ELF2: variants seen among roughly 807,000 people sequenced by gnomAD.
ELF2 encodes ETS-related transcription factor Elf-2.
A neutral mutation model predicts 54.8 loss-of-function variants in ELF2; 11 were observed. The observed-to-expected ratio is 0.20, with a 90% CI of 0.13 to 0.33. The LOEUF (loss-of-function observed/expected upper bound fraction) is 0.33. Ranked by LOEUF, ELF2 falls within the 10% of genes least tolerant of loss-of-function variation. ELF2 has a pLI of 1.00. For missense variants in ELF2, 513 were observed against 703.0 expected, an observed-to-expected ratio of 0.73 and a Z score of 3.06; for synonymous variants, 203 against 245.1, an observed-to-expected ratio of 0.83 and a Z score of 1.61.
intron 4 of ELF2, among the ~76,000 whole-genome samples, chr4:139,118,682 T>A (rs189158572): frequency 3.3e-5 from 5 of 151,904 alleles, no homozygotes; most frequent in Non-Finnish European, 7.4e-5. Flanking sequence ...TATAAAGCAT[T>A]TGTTTTTTTT....
rs149871232 is a variant in ELF2, at chr4:139,157,203, C to T, written c.-251-17706G>A. On this transcript the variant is annotated intron_variant, in intron 1 of 9. Coordinates refer to ENST00000686138, the MANE Select transcript of ELF2 (RefSeq NM_001331036.3). Reference sequence around the variant, plus strand: ...TACTGAATACTATAGACAACTCTAACACAATGGAAAGTATTTGTGTATCTA... The same window carrying T: ...TACTGAATACTATAGACAACTCTAATACAATGGAAAGTATTTGTGTATCTA... Among the ~76,000 whole-genome samples, 578 of 152,220 alleles carry T rather than the reference C, an allele frequency of 3.8e-3. 4 individuals carry two copies. Among genetic ancestry groups the T allele is most frequent in the Non-Finnish European group, 6.0e-3 (407 of 68,014 alleles).
chr4:139,117,754 A>G (rs992247842), intron 4 of ELF2: 7 of 153,050 alleles, frequency 4.6e-5, no homozygotes, highest in African/African-American at 9.7e-5. Context: ...GATCAAGACC[A>G]TCCTGGCCAA....
At chr4:139,139,280 A>G in intron 2 of ELF2, 133 bp downstream of exon 2, 1 of 428,622 alleles carries the variant, frequency 2.3e-6, no homozygotes, top group Non-Finnish European at 3.7e-6. Flanking sequence ...GATCTTATAA[A>G]CATAAAATGG....
intron 4 of ELF2, chr4:139,102,244 C>A (rs1332316828): frequency 6.6e-6 from 1 of 151,816 alleles, no homozygotes; most frequent in Non-Finnish European, 1.5e-5. Context: ...GTATCAGGGC[C>A]GGGCGCAGTG....
At position 139,174,405 on chromosome 4, in the gene ELF2, T is replaced by G. The variant is rs546948862; in HGVS notation, c.-252+2562A>C. On this transcript the variant is annotated intron_variant, in intron 1 of 9. Coordinates refer to ENST00000686138, the MANE Select transcript of ELF2 (RefSeq NM_001331036.3). ...TCTATAATGATAGAAAGTCGATCAG[T>G]GGTTGCATAGGACTGGGAGTGCTGA... Among the ~76,000 whole-genome samples the G allele has an allele frequency of 7.9e-5, 12 of 152,224 alleles. No homozygotes were observed. The South Asian group carries it at 1.9e-3, about 24-fold the overall frequency.
chr4:139,166,318 T>C (rs1478884765), intron 1 of ELF2, among the ~76,000 whole-genome samples: 1 of 151,808 alleles, frequency 6.6e-6, no homozygotes, highest in Non-Finnish European at 1.5e-5. Flanking sequence ...ACCCAGGAAG[T>C]GGAGGTTGCA....
Position 139,171,303 on chromosome 4 carries a change from A to T in ELF2, c.-252+5664T>A, listed in dbSNP as rs547795534. Among the ~76,000 whole-genome samples, 14 of 152,168 alleles carry T rather than the reference A, an allele frequency of 9.2e-5. No homozygotes were observed. The East Asian group carries it at 2.7e-3, about 29-fold the overall frequency. ...CCATTCCCAACTACTCAGGAGGCTG[A>T]GGTAGGGGGACTGCTTGAGCCCAGG... On this transcript the variant is annotated intron_variant, in intron 1 of 9. Coordinates refer to ENST00000686138, the MANE Select transcript of ELF2 (RefSeq NM_001331036.3).
intron 4 of ELF2, chr4:139,084,582 T>C (rs1453632836): frequency 7.7e-6 from 2 of 259,382 alleles, no homozygotes; most frequent in Admixed American, 1.3e-4. Flanking sequence ...CACCTGAGGC[T>C]GGGAAACGGC....
At chr4:139,128,965 A>G (rs919617006) in intron 3 of ELF2, among the ~76,000 whole-genome samples, 2 of 150,118 alleles carry the variant, frequency 1.3e-5, no homozygotes, top group African/African-American at 4.9e-5. Context: ...TTTGAAATGG[A>G]GTTTCGCTCG....
intron 1 of ELF2, among the ~76,000 whole-genome samples, chr4:139,156,640 TTGTTGC>T (rs1740578659): frequency 2.3e-5 from 3 of 132,090 alleles, no homozygotes; most frequent in South Asian, 2.7e-4. Context: ...GTTGTTGTTG[TTGTTGC>T]TGTTGTTGTT....
chr4:139,067,770 A>G lies in ELF2; in HGVS notation c.527T>C (p.Val176Ala), dbSNP rs753634905. 15 of 1,576,316 alleles carry G rather than the reference A, an allele frequency of 9.5e-6. No homozygotes were observed. In the East Asian group the frequency reaches 2.7e-4, roughly 28 times the overall value. The change falls in exon 7 of 10, where the codon GTT becomes GCT. Residue 176 changes from valine to alanine, a missense_variant and splice_region_variant. Physicochemically the swap from Val to Ala is moderately conservative, Grantham distance 64 (BLOSUM62 0). This residue lies in a region of ELF2 where 203 missense variants were observed against 245.9 expected (regional missense o/e 0.83). Transcript: ENST00000686138. ...TTGCTGGGTCTTTGGTTTACGGCCA[A>G]CTGAAAAAATAAGATATTGAAACCA... ...DSHEPMKKKKVGRKPKTQQSP... is the reference protein window; with the variant it reads ...DSHEPMKKKKAGRKPKTQQSP...
chr4:139,144,197 C>A (rs1368554798), intron 1 of ELF2, among the ~76,000 whole-genome samples: 2 of 152,094 alleles, frequency 1.3e-5, no homozygotes, highest in East Asian at 3.9e-4. Context: ...AGAGAGATTA[C>A]CTCCAGAGTA....
intron 1 of ELF2, among the ~76,000 whole-genome samples, chr4:139,154,575 TAAA>T (rs529132880): frequency 7.3e-6 from 1 of 136,732 alleles, no homozygotes. Context: ...CTACAACAAT[TAAA>T]AAAAAAAAAA....
rs1460244861 is a variant in ELF2, at chr4:139,058,255, A to G, written c.*728T>C. Reference sequence around the variant, plus strand: ...TGTTACATGTATATTCTATAACAATACTGTGCTAGGTACAAGATTTTTAAA... The same window carrying G: ...TGTTACATGTATATTCTATAACAATGCTGTGCTAGGTACAAGATTTTTAAA... On this transcript the variant is annotated 3_prime_UTR_variant, in exon 10 of 10. Transcript: ENST00000686138. 6.6e-6 allele frequency: 1 copy of G among 152,202 alleles called. No homozygotes were observed. Among genetic ancestry groups the G allele is most frequent in the South Asian group, 2.1e-4 (1 of 4,830 alleles). The allele number at this position is 152,202 out of a possible 1,614,324, so 9.4% of individuals were successfully genotyped here.
At chr4:139,144,896 C>T (rs1411707955) in intron 1 of ELF2, among the ~76,000 whole-genome samples, 2 of 152,200 alleles carry the variant, frequency 1.3e-5, no homozygotes, top group East Asian at 3.8e-4. Context: ...TGGCTTTGAC[C>T]CTCCACCTGC....
chr4:139,092,767 C>CTGTA (rs1404556530), intron 4 of ELF2, among the ~76,000 whole-genome samples: 1 of 151,426 alleles, frequency 6.6e-6, no homozygotes, highest in East Asian at 2.0e-4. Flanking sequence ...CGCCACTGCA[C>CTGTA]TACAGCCTGG....
intron 4 of ELF2, among the ~76,000 whole-genome samples, chr4:139,098,183 C>T (rs1275515657): frequency 2.6e-5 from 4 of 152,162 alleles, no homozygotes; most frequent in African/African-American, 9.7e-5. Context: ...TTCTTTGATA[C>T]TATTTTTAAT....
At chr4:139,129,881 C>G (rs1036410928) in intron 3 of ELF2, among the ~76,000 whole-genome samples, 2 of 152,130 alleles carry the variant, frequency 1.3e-5, no homozygotes, top group African/African-American at 4.8e-5. Context: ...ACAAATTAAA[C>G]AATGGCTTTA....
At chr4:139,163,324 GTTAT>G (rs1159272713) in intron 1 of ELF2, among the ~76,000 whole-genome samples, 1 of 151,942 alleles carries the variant, frequency 6.6e-6, no homozygotes, top group Admixed American at 6.6e-5. Flanking sequence ...AAATTCAGAG[GTTAT>G]TTAAGGTTAT....
Sources: allele counts gnomAD v4.1 joint callset (sites outside exome capture counted in the v4.1 genomes callset), GRCh38; gene constraint gnomAD v4.1.1; regional missense constraint gnomAD v4.1.1; transcripts MANE v1.5; gene names NCBI Gene and HGNC (gene_info 2026-07-23, HGNC 2026-07-21).